DNAAF1: variants seen among roughly 807,000 people sequenced by gnomAD.
The protein encoded by DNAAF1 is dynein axonemal assembly factor 1.
Under a neutral mutation model 71.1 loss-of-function variants are expected in DNAAF1, and 65 were observed. The observed-to-expected ratio is 0.91, with a 90% confidence interval of 0.75 to 1.12. The LOEUF is 1.12. Ranked by LOEUF, DNAAF1 falls within the 50% of genes most tolerant of loss-of-function variation. The pLI is 0.00. For synonymous variants in DNAAF1, 414 were observed against 354.6 expected (o/e 1.17, Z -1.88); for missense variants, 1,178 against 899.8 (o/e 1.31, Z -3.96).
chr16:84,168,739 G>C (rs1171966401), intron 7 of DNAAF1, among the ~76,000 whole-genome samples: 6 of 151,700 alleles, frequency 4.0e-5, no homozygotes, highest in African/African-American at 1.5e-4. Flanking sequence ...TTTCAGAAAA[G>C]CTGAAAGAAT....
In DNAAF1 at chr16:84,155,850, C is replaced by T. The variant is rs537588546; in HGVS notation, c.741+101C>T. On this transcript the variant is annotated intron_variant, in intron 5 of 11. Coordinates refer to ENST00000378553, the MANE Select transcript of DNAAF1 (RefSeq NM_178452.6). Reference sequence around the variant, plus strand: ...CTTTTGTCTTTTCTCTCCTTCCTGCCTTCCTTCCCTTTTTCACACTTTTTT... The same window carrying T: ...CTTTTGTCTTTTCTCTCCTTCCTGCTTTCCTTCCCTTTTTCACACTTTTTT... 88 of 1,418,722 alleles carry T rather than the reference C, an allele frequency of 6.2e-5. 1 individual carries two copies. The South Asian group carries it at 9.0e-4, about 15-fold the overall frequency. The allele number at this position is 1,418,722 out of a possible 1,614,324, so 87.9% of individuals were successfully genotyped here.
intron 8 of DNAAF1, among the ~76,000 whole-genome samples, chr16:84,171,657 G>A (rs911567364): frequency 2.0e-5 from 3 of 152,084 alleles, no homozygotes; most frequent in East Asian, 1.9e-4. Context: ...TGAGCGAGTC[G>A]CCCCTGCTGG....
Position 84,146,739 on chromosome 16 carries a change from C to T in DNAAF1, c.124+1175C>T, listed in dbSNP as rs893111868. 2.0e-5 allele frequency among the ~76,000 whole-genome samples: 3 copies of T among 150,588 alleles called. No homozygotes were observed. In the East Asian group the frequency reaches 5.8e-4, roughly 29 times the overall value. Reference sequence around the variant, plus strand: ...CAGCCTGGGCAATGGAGCAAGACTCCGTCTCAAAAAAAAAAAAGGAAAGAA... The same window carrying T: ...CAGCCTGGGCAATGGAGCAAGACTCTGTCTCAAAAAAAAAAAAGGAAAGAA... On this transcript the variant is annotated intron_variant, in intron 1 of 11. Coordinates refer to ENST00000378553, the MANE Select transcript of DNAAF1 (RefSeq NM_178452.6).
chr16:84,172,628 C>A, intron 9 of DNAAF1: 1 of 1,332,636 alleles, frequency 7.5e-7, no homozygotes, highest in East Asian at 3.3e-5. Flanking sequence ...GAGCCCTGAC[C>A]CAAATCGCTA....
intron 1 of DNAAF1, among the ~76,000 whole-genome samples, chr16:84,148,066 CAA>C (rs141989827): frequency 7.0e-6 from 1 of 142,280 alleles, no homozygotes; most frequent in Non-Finnish European, 1.5e-5. Flanking sequence ...AGACGGTCTC[CAA>C]AAAAAAAAAG....
At chr16:84,158,844 C>G (rs1188659239) in intron 5 of DNAAF1, 1 of 171,206 alleles carries the variant, frequency 5.8e-6, no homozygotes, top group African/African-American at 2.4e-5. Flanking sequence ...ATTTTTCTGC[C>G]TCAGGCCCCA....
Position 84,165,891 on chromosome 16 carries a change from G to C in DNAAF1, c.972G>C (p.Leu324Phe), listed in dbSNP as rs759901843. The C allele has an allele frequency of 2.5e-6, 4 of 1,613,592 alleles. No homozygotes were observed. The highest frequency in any genetic ancestry group is 3.4e-6 in the Non-Finnish European group (4 of 1,179,942). ...AGATCACAGACAGCATTGAAGCCTT[G>C]GCCATGATCAAGCAGCGGGCAGAGG... The part of the protein sequence containing the change: ...RKKITDSIEA[L>F]AMIKQRAEER... Residue 324 changes from leucine (L) to phenylalanine (F), a missense_variant, in exon 7 of 12, where the codon TTG (leucine) becomes TTC (phenylalanine). Leu to Phe is a conservative substitution (Grantham distance 22). Coordinates refer to ENST00000378553, the MANE Select transcript of DNAAF1 (RefSeq NM_178452.6).
At position 84,149,052 on chromosome 16, in the gene DNAAF1, C is replaced by G; in HGVS notation, c.170C>G (p.Ser57Cys). The G allele has an allele frequency of 6.2e-7, 1 of 1,614,068 alleles. No individual in the cohort carries two copies. Residue 57 changes from serine (S) to cysteine (C), a missense_variant, in exon 2 of 12, where the codon TCC becomes TGC. Physicochemically the swap from Ser to Cys is moderately radical, Grantham distance 112 (BLOSUM62 -1). Coordinates refer to ENST00000378553, the MANE Select transcript of DNAAF1 (RefSeq NM_178452.6). The stretch of plus-strand genomic sequence containing the variant: ...ATATGTGTGGGTTCTTCTGACACAT[C>G]CTACCACAGCCAGCAGAAACAGAGT... Reference protein sequence around the residue: ...KEICVGSSDTSYHSQQKQSGD... With the variant: ...KEICVGSSDTCYHSQQKQSGD...
intron 5 of DNAAF1, among the ~76,000 whole-genome samples, 176 bp from the exon 6 acceptor site, chr16:84,159,499 C>T (rs892388132): frequency 6.6e-6 from 1 of 152,184 alleles, no homozygotes; most frequent in Admixed American, 6.5e-5. Context: ...GCTCTGATAG[C>T]GTGAGAGCAA....
At chr16:84,148,675 T>G (rs925776677) in intron 1 of DNAAF1, among the ~76,000 whole-genome samples, 2 of 143,580 alleles carry the variant, frequency 1.4e-5, no homozygotes, top group African/African-American at 5.1e-5. Context: ...CACAGCTCAC[T>G]GCAGCCTTGA....
Position 84,145,310 on chromosome 16 carries a change from A to ATT in DNAAF1, c.-131_-130insTT. ...GGCGACCGGGGAAGCGTTGGGCTGT[A>ATT]AAGACTAGGGCGCCAGCGGCTGGCG... is the stretch of plus-strand genomic sequence containing the variant. On this transcript the variant is annotated 5_prime_UTR_variant, in exon 1 of 12. Transcript: ENST00000378553. The ATT allele has an allele frequency of 6.8e-7, 1 of 1,472,418 alleles. No individual in the cohort carries two copies. The highest frequency in any genetic ancestry group is 9.2e-7 in the Non-Finnish European group (1 of 1,092,760). 91.2% of individuals were successfully genotyped at this position (1,472,418 alleles called of 1,614,324 possible).
At chr16:84,163,223 G>C (rs1291999760) in intron 6 of DNAAF1, among the ~76,000 whole-genome samples, 2 of 152,056 alleles carry the variant, frequency 1.3e-5, no homozygotes, top group Admixed American at 1.3e-4. Flanking sequence ...GGGTCATACA[G>C]GGACTTTACA....
At chr16:84,174,920 T>A in intron 10 of DNAAF1, 198 bp downstream of exon 10, 3 of 638,040 alleles carry the variant, frequency 4.7e-6, no homozygotes, top group Non-Finnish European at 5.4e-6. Context: ...CAATAGTGTG[T>A]TCTTGGCTCA....
At chr16:84,149,460 G>C (rs2087079194) in intron 2 of DNAAF1, among the ~76,000 whole-genome samples, 1 of 152,136 alleles carries the variant, frequency 6.6e-6, no homozygotes, top group East Asian at 1.9e-4. Flanking sequence ...GGGAGGCTGA[G>C]GTGGGCGAAT....
Position 84,170,171 on chromosome 16 carries a change from C to G in DNAAF1, c.1343C>G (p.Pro448Arg), listed in dbSNP as rs747965019. Residue 448 changes from proline to arginine, a missense_variant, in exon 8 of 12, where the codon CCA becomes CGA. Physicochemically the swap from Pro to Arg is moderately radical, Grantham distance 103. Transcript: ENST00000378553. Reference sequence around the variant, plus strand: ...GGGACCCTCCCAGCTGAGGCCCCACCACCCCCGCCACCTGTGGAGGTTAAA... The same window carrying G: ...GGGACCCTCCCAGCTGAGGCCCCACGACCCCCGCCACCTGTGGAGGTTAAA... ...PEGTLPAEAP[P>R]PPPPVEVKGE... The G allele has an allele frequency of 2.5e-6, 4 of 1,609,758 alleles. No individual in the cohort carries two copies. The highest frequency in any genetic ancestry group is 3.4e-6 in the Non-Finnish European group (4 of 1,178,090).
At chr16:84,151,347 G>A (rs548048906) in intron 3 of DNAAF1, among the ~76,000 whole-genome samples, 9 of 152,190 alleles carry the variant, frequency 5.9e-5, no homozygotes, top group Non-Finnish European at 1.2e-4. Flanking sequence ...ACGCCCAAAG[G>A]GATCCAGGAG....
chr16:84,149,981 T>G (rs1392774364), intron 2 of DNAAF1, among the ~76,000 whole-genome samples: 2 of 151,582 alleles, frequency 1.3e-5, no homozygotes, highest in Non-Finnish European at 2.9e-5. Flanking sequence ...GCTGAGATTG[T>G]GCCATTGCAC....
chr16:84,152,591 T>C (rs2087235838), intron 3 of DNAAF1, among the ~76,000 whole-genome samples: 1 of 140,540 alleles, frequency 7.1e-6, no homozygotes, highest in African/African-American at 2.7e-5. Context: ...CTGTTTGCAG[T>C]GAGCCAAGAT....
At chr16:84,151,218 G>A (rs1002863574) in intron 3 of DNAAF1, among the ~76,000 whole-genome samples, 1 of 152,138 alleles carries the variant, frequency 6.6e-6, no homozygotes, top group African/African-American at 2.4e-5. Flanking sequence ...CTTGCTGAGA[G>A]TCTACTGTGT....
Sources: gnomAD v4.1 joint callset for allele counts (sites outside exome capture counted in the v4.1 genomes callset) on GRCh38, gnomAD v4.1.1 for gene constraint, MANE v1.5 for transcripts, NCBI Gene and HGNC (gene_info 2026-07-23, HGNC 2026-07-21) for gene names.